The following PTPN3 variants were observed in gnomAD, a reference collection of about 807,000 sequenced individuals.
The protein encoded by PTPN3 is tyrosine-protein phosphatase non-receptor type 3.
PTPN3 carries 96 observed loss-of-function variants against 132.7 expected under a neutral mutation model. The ratio of observed to expected loss-of-function variants is 0.72; its 90% CI spans 0.61 to 0.86. The LOEUF is 0.86. Among genes scored for constraint, PTPN3 ranks in the 40% least tolerant of loss-of-function variants. The pLI, the probability that PTPN3 is intolerant of heterozygous loss-of-function variation, is 0.00. For synonymous variants in PTPN3, 398 were observed against 429.0 expected (o/e 0.93, Z 0.89); for missense variants, 1,125 against 1,159.6 (o/e 0.97, Z 0.43).
At position 109,450,264 on chromosome 9, in the gene PTPN3, A is replaced by G. The variant is rs1845163281; in HGVS notation, c.369-1409T>C. The G allele has an allele frequency of 3.0e-6, 3 of 985,250 alleles. No homozygotes were observed. The Admixed American group carries it at 1.8e-4, about 61-fold the overall frequency. The allele number at this position is 985,250 out of a possible 1,614,324, so 61.0% of individuals were successfully genotyped here. On this transcript the variant is annotated intron_variant, in intron 5 of 25. Coordinates refer to ENST00000374541, the MANE Select transcript of PTPN3 (RefSeq NM_002829.4). ...ACACCTATTTGGTATTGGAATCTCCATCTTTTCCACCTAGGAGAACATCAT... is the reference window on the plus strand; with the variant it reads ...ACACCTATTTGGTATTGGAATCTCCGTCTTTTCCACCTAGGAGAACATCAT...
intron 1 of PTPN3, among the ~76,000 whole-genome samples, chr9:109,473,148 TTAA>T (rs2132077765): frequency 6.6e-6 from 1 of 152,326 alleles, no homozygotes; most frequent in Admixed American, 6.5e-5. Flanking sequence ...ACAGGTCACT[TTAA>T]TAATACAGCA....
At chr9:109,452,316 A>G (rs2132011730) in intron 5 of PTPN3, among the ~76,000 whole-genome samples, 2 of 151,634 alleles carry the variant, frequency 1.3e-5, no homozygotes, top group South Asian at 4.2e-4. Context: ...AAAACTTCAG[A>G]GTACCTGGTA....
chr9:109,470,457 T>C (rs907602465), intron 1 of PTPN3, among the ~76,000 whole-genome samples: 1 of 151,864 alleles, frequency 6.6e-6, no homozygotes, highest in Non-Finnish European at 1.5e-5. Context: ...GCCTAACTGT[T>C]CCTTAAACTC....
At chr9:109,438,648 C>T (rs1000510729) in intron 7 of PTPN3, among the ~76,000 whole-genome samples, 2 of 152,202 alleles carry the variant, frequency 1.3e-5, no homozygotes, top group African/African-American at 4.8e-5. Flanking sequence ...CTTTCTCTGC[C>T]ATACCCCAAG....
intron 8 of PTPN3, among the ~76,000 whole-genome samples, chr9:109,437,621 G>A (rs1485117266): frequency 1.3e-5 from 2 of 152,174 alleles, no homozygotes; most frequent in African/African-American, 2.4e-5. Context: ...GCTGAGGCTC[G>A]CAACAAATAC....
intron 9 of PTPN3, 151 bp from the exon 10 acceptor site, chr9:109,433,312 A>G (rs2131907895): frequency 7.6e-7 from 1 of 1,308,740 alleles, no homozygotes; most frequent in East Asian, 2.6e-5. Context: ...GCCCCACTTA[A>G]CGGATACTTA....
At chr9:109,456,147 G>A (rs1845552940) in intron 4 of PTPN3, among the ~76,000 whole-genome samples, 1 of 152,220 alleles carries the variant, frequency 6.6e-6, no homozygotes, top group Non-Finnish European at 1.5e-5. Flanking sequence ...TGCTGAGGCA[G>A]GTGTGCGTGT....
the PTPN3 span, among the ~76,000 whole-genome samples, chr9:109,522,758 G>T: frequency 1.3e-5 from 2 of 152,194 alleles, no homozygotes; most frequent in Non-Finnish European, 1.5e-5. Context: ...ACATGCATGA[G>T]ATGTTTATTA....
At chr9:109,524,470 A>G in the PTPN3 span, among the ~76,000 whole-genome samples, 1 of 152,196 alleles carries the variant, frequency 6.6e-6, no homozygotes, top group Non-Finnish European at 1.5e-5. Flanking sequence ...ATTTTAACCC[A>G]GGTTTGTCTA....
chr9:109,515,810 T>A, the PTPN3 span, among the ~76,000 whole-genome samples: 6 of 152,318 alleles, frequency 3.9e-5, no homozygotes, highest in Middle Eastern at 3.4e-3. Flanking sequence ...AACCCACTCG[T>A]TACCTTGGAG....
chr9:109,406,779 T>G (rs1419713015), intron 17 of PTPN3, among the ~76,000 whole-genome samples, 161 bp from the exon 18 acceptor site: 2 of 152,256 alleles, frequency 1.3e-5, no homozygotes, highest in South Asian at 2.1e-4. Context: ...TCCACTGCTA[T>G]GTGGACATGG....
At chr9:109,437,327 G>A (rs1844128111) in intron 8 of PTPN3, among the ~76,000 whole-genome samples, 1 of 152,198 alleles carries the variant, frequency 6.6e-6, no homozygotes, top group Non-Finnish European at 1.5e-5. Flanking sequence ...TCTTTTGGCA[G>A]TGGCCTCAAA....
In PTPN3 at chr9:109,450,594, G is replaced by C. The variant is rs531727129; in HGVS notation, c.369-1739C>G. The C allele has an allele frequency of 6.6e-5, 65 of 984,724 alleles. No homozygotes were observed. In the East Asian group the frequency reaches 6.4e-3, roughly 96 times the overall value. 61.0% of individuals were successfully genotyped at this position (984,724 alleles called of 1,614,324 possible). ...AAACTAGAATAGTGGAACCCAACCC[G>C]AGCTTGGGAGACTTCCTAGGAATCT... On this transcript the variant is annotated intron_variant, in intron 5 of 25. Transcript: ENST00000374541.
chr9:109,404,339 A>G (rs1222977653), intron 19 of PTPN3, 109 bp downstream of exon 19: 2 of 846,760 alleles, frequency 2.4e-6, no homozygotes, highest in African/African-American at 1.7e-5. Flanking sequence ...AATCATCTCG[A>G]CCAAGGAAAC....
At chr9:109,527,313 G>A in the PTPN3 span, among the ~76,000 whole-genome samples, 55 of 152,184 alleles carry the variant, frequency 3.6e-4, no homozygotes, top group African/African-American at 1.3e-3. Flanking sequence ...ACACAAAAAT[G>A]AGCCGGGCAT....
chr9:109,422,263 T>C (rs1038747164), intron 13 of PTPN3, among the ~76,000 whole-genome samples: 6 of 152,236 alleles, frequency 3.9e-5, no homozygotes, highest in African/African-American at 1.4e-4. Flanking sequence ...TGCTACTTAC[T>C]GATGTGCATT....
At chr9:109,491,448 T>C (rs1251681580) in intron 1 of PTPN3, among the ~76,000 whole-genome samples, 1 of 152,132 alleles carries the variant, frequency 6.6e-6, no homozygotes, top group Non-Finnish European at 1.5e-5. Flanking sequence ...GAAGAATTTA[T>C]GGGACTTCTT....
chr9:109,478,848 T>A (rs1298810190), intron 1 of PTPN3, among the ~76,000 whole-genome samples: 3 of 152,202 alleles, frequency 2.0e-5, no homozygotes, highest in African/African-American at 7.2e-5. Flanking sequence ...GGGACCAGGC[T>A]TCGCCCATGA....
chr9:109,455,215 A>G (rs972976473), intron 4 of PTPN3, among the ~76,000 whole-genome samples: 3 of 152,252 alleles, frequency 2.0e-5, no homozygotes, highest in Non-Finnish European at 2.9e-5. Context: ...CACAATGAAC[A>G]TATTCAAATA....
Sources: gnomAD v4.1 joint callset for allele counts (sites outside exome capture counted in the v4.1 genomes callset) on GRCh38, gnomAD v4.1.1 for gene constraint, MANE v1.5 for transcripts, NCBI Gene and HGNC (gene_info 2026-07-23, HGNC 2026-07-21) for gene names.